CPNE4: variants seen among roughly 807,000 people sequenced by gnomAD.
CPNE4 encodes the protein copine-4.
In CPNE4, 25 loss-of-function variants were observed where a neutral mutation model predicts 67.9. The ratio of observed to expected loss-of-function variants is 0.37; its 90% CI spans 0.27 to 0.51. CPNE4 has a LOEUF of 0.51. Ranked by LOEUF, CPNE4 falls within the 20% of genes least tolerant of loss-of-function variation. CPNE4 has a pLI of 0.93. For missense variants in CPNE4, 464 were observed against 690.8 expected (o/e 0.67, Z 3.68); for synonymous variants, 242 against 244.9 (o/e 0.99, Z 0.11).
At chr3:131,593,188 A>G (rs775319569) in intron 7 of CPNE4, among the ~76,000 whole-genome samples, 2 of 152,186 alleles carry the variant, frequency 1.3e-5, no homozygotes, top group Non-Finnish European at 2.9e-5. Flanking sequence ...TGCTTTTTCC[A>G]TTTCTGTAAA....
chr3:131,708,995 TAC>T lies in CPNE4; in HGVS notation c.361-9017_361-9016del, dbSNP rs1553757018. 1.5e-4 allele frequency among the ~76,000 whole-genome samples: 16 copies of T among 109,088 alleles called. 1 individual carries two copies. The highest frequency in any genetic ancestry group is 5.2e-4 in the African/African-American group (13 of 25,026). 71.6% of individuals were successfully genotyped at this position (109,088 alleles called of 152,430 possible). A position where few individuals can be genotyped will look rare whatever the true frequency, so the allele number is the denominator to read the frequency against. On this transcript the variant is annotated intron_variant, in intron 3 of 15. Transcript: ENST00000429747. ...ATATATATATATATATATATATATA[TAC>T]ATACACACATAATAATATAATACTC...
intron 2 of CPNE4, among the ~76,000 whole-genome samples, chr3:131,832,030 A>G (rs2085391040): frequency 6.6e-6 from 1 of 152,212 alleles, no homozygotes; most frequent in Non-Finnish European, 1.5e-5. Flanking sequence ...AATGACCAAA[A>G]TACTCTCTGT....
At chr3:131,987,632 C>A (rs986965789) in intron 1 of CPNE4, among the ~76,000 whole-genome samples, 1 of 148,716 alleles carries the variant, frequency 6.7e-6, no homozygotes, top group East Asian at 1.9e-4. Context: ...ACGTGATCCA[C>A]CCCCCTTGGC....
chr3:131,763,324 G>A (rs566415680), intron 2 of CPNE4, among the ~76,000 whole-genome samples: 1 of 152,238 alleles, frequency 6.6e-6, no homozygotes, highest in East Asian at 1.9e-4. Context: ...TACCCTTCAT[G>A]AGTGTGCATT....
chr3:131,605,627 G>T (rs959477134), intron 7 of CPNE4, among the ~76,000 whole-genome samples: 1 of 152,084 alleles, frequency 6.6e-6, no homozygotes, highest in African/African-American at 2.4e-5. Flanking sequence ...TACCACTCAG[G>T]CTGTTAAGTA....
At chr3:131,985,587 C>T (rs1220183243) in intron 1 of CPNE4, among the ~76,000 whole-genome samples, 1 of 152,132 alleles carries the variant, frequency 6.6e-6, no homozygotes, top group African/African-American at 2.4e-5. Context: ...TATCTGACTC[C>T]AGATCTTATT....
chr3:131,769,294 G>C (rs1386423323), intron 2 of CPNE4, among the ~76,000 whole-genome samples: 1 of 152,094 alleles, frequency 6.6e-6, no homozygotes, highest in Non-Finnish European at 1.5e-5. Context: ...GTTCTGGGAA[G>C]ATGTGAAGAA....
chr3:131,693,485 T>C (rs138857724), intron 5 of CPNE4, among the ~76,000 whole-genome samples: 3 of 152,304 alleles, frequency 2.0e-5, no homozygotes, highest in Non-Finnish European at 4.4e-5. Flanking sequence ...TTTACATTTT[T>C]GCAAACCAAT....
intron 14 of CPNE4, among the ~76,000 whole-genome samples, chr3:131,549,683 ATTG>A (rs1444150211): frequency 6.6e-6 from 1 of 152,062 alleles, no homozygotes; most frequent in Non-Finnish European, 1.5e-5. Flanking sequence ...AGTAGCTTCC[ATTG>A]TTGAGTTTCT....
chr3:131,950,211 G>T (rs1220651781), intron 1 of CPNE4, among the ~76,000 whole-genome samples: 2 of 152,108 alleles, frequency 1.3e-5, no homozygotes, highest in Non-Finnish European at 2.9e-5. Flanking sequence ...TCTTTTAAAA[G>T]TCAACTAATT....
chr3:131,858,086 A>C (rs2086522633), intron 2 of CPNE4, among the ~76,000 whole-genome samples: 1 of 152,098 alleles, frequency 6.6e-6, no homozygotes, highest in Non-Finnish European at 1.5e-5. Flanking sequence ...CCATGTTTGC[A>C]AGTTAATTTA....
intron 7 of CPNE4, among the ~76,000 whole-genome samples, chr3:131,608,696 ATATATG>A (rs1360734257): frequency 6.6e-6 from 1 of 152,132 alleles, no homozygotes; most frequent in African/African-American, 2.4e-5. Flanking sequence ...GTCTGTATGA[ATATATG>A]TATATAAACA....
chr3:131,681,391 G>T (rs2080750919), intron 6 of CPNE4, among the ~76,000 whole-genome samples: 1 of 152,042 alleles, frequency 6.6e-6, no homozygotes, highest in South Asian at 2.1e-4. Context: ...GAATATTTTT[G>T]CTGGATATGC....
intron 2 of CPNE4, among the ~76,000 whole-genome samples, chr3:131,787,015 G>A (rs1051597326): frequency 4.6e-5 from 7 of 152,090 alleles, no homozygotes; most frequent in Admixed American, 3.3e-4. Context: ...AGTTATTATC[G>A]ACTTGAACTT....
chr3:131,876,285 C>A (rs990890008), intron 2 of CPNE4, among the ~76,000 whole-genome samples: 30 of 142,126 alleles, frequency 2.1e-4, no homozygotes, highest in Admixed American at 1.9e-3. Flanking sequence ...TAAATAAATA[C>A]GAATACAACC....
intron 2 of CPNE4, among the ~76,000 whole-genome samples, chr3:131,858,963 A>G (rs2086565744): frequency 6.6e-6 from 1 of 152,122 alleles, no homozygotes; most frequent in Non-Finnish European, 1.5e-5. Context: ...CAAAATCTGA[A>G]TCTCTTGGGA....
chr3:131,927,537 T>C (rs527776997), intron 1 of CPNE4, among the ~76,000 whole-genome samples: 73 of 152,312 alleles, frequency 4.8e-4, no homozygotes, highest in Non-Finnish European at 8.4e-4. Context: ...CTGGGTGCTC[T>C]TGGAGGTCAA....
chr3:132,034,509 A>G (rs1583627234), intron 1 of CPNE4, 58 bp downstream of exon 1: 6 of 884,694 alleles, frequency 6.8e-6, no homozygotes, highest in Non-Finnish European at 8.1e-6. Flanking sequence ...CAGCTCCAAC[A>G]GACTTTGCAA....
At chr3:132,005,774 C>A (rs2073584521) in intron 1 of CPNE4, among the ~76,000 whole-genome samples, 1 of 151,736 alleles carries the variant, frequency 6.6e-6, no homozygotes, top group African/African-American at 2.4e-5. Flanking sequence ...GGTTTTGCAT[C>A]CTGCATTTAA....
Sources: gnomAD v4.1 joint callset for allele counts (sites outside exome capture counted in the v4.1 genomes callset) on GRCh38, gnomAD v4.1.1 for gene constraint, MANE v1.5 for transcripts, NCBI Gene and HGNC (gene_info 2026-07-23, HGNC 2026-07-21) for gene names.